The following GMEB1 variants were observed in gnomAD, a reference collection of about 807,000 sequenced individuals.
GMEB1 encodes the protein glucocorticoid modulatory element-binding protein 1.
Under a neutral mutation model 52.4 loss-of-function variants are expected in GMEB1, and 6 were observed. That is an observed-to-expected ratio of 0.11 (90% CI 0.06 to 0.23). The LOEUF (loss-of-function observed/expected upper bound fraction) is 0.23. Ranked by LOEUF, GMEB1 falls within the 10% of genes least tolerant of loss-of-function variation. GMEB1 has a pLI of 1.00. For missense variants in GMEB1, 486 were observed against 685.6 expected, an observed-to-expected ratio of 0.71 and a Z score of 3.25; for synonymous variants, 255 against 244.9, an observed-to-expected ratio of 1.04 and a Z score of -0.38.
chr1:28,682,530 G>A (rs867436708), intron 1 of GMEB1, among the ~76,000 whole-genome samples: 3 of 150,934 alleles, frequency 2.0e-5, no homozygotes, highest in African/African-American at 7.3e-5. Flanking sequence ...GGTGAGGCAG[G>A]AGAATCGCTT....
intron 2 of GMEB1, among the ~76,000 whole-genome samples, chr1:28,689,364 T>C (rs1156248083): frequency 6.6e-6 from 1 of 151,994 alleles, no homozygotes; most frequent in Non-Finnish European, 1.5e-5. Context: ...CGGTGGCTCA[T>C]GCCTGTAATA....
Position 28,692,948 on chromosome 1 carries a change from G to T in GMEB1, c.343G>T (p.Asp115Tyr). The T allele has an allele frequency of 6.3e-7, 1 of 1,583,322 alleles. No individual in the cohort carries two copies. Among genetic ancestry groups the T allele is most frequent in the South Asian group, 1.1e-5 (1 of 87,652 alleles). ...GINVKCVKFN[D>Y]QLISPKHFVH... is the part of the protein sequence containing the mutation. ...CTTTTCTTTTTACTTTTAGTTCAAT[G>T]ATCAGTTGATCAGCCCCAAGCACTT... is the stretch of plus-strand genomic sequence containing the variant. The change falls in exon 5 of 10, where the codon GAT (aspartate) becomes TAT (tyrosine). Residue 115 changes from aspartate to tyrosine, a missense_variant. Coordinates refer to ENST00000373816, the MANE Select transcript of GMEB1 (RefSeq NM_001319674.2).
In GMEB1 at chr1:28,687,379, C is replaced by CAAAAAAAAAAAAAAAAA; in HGVS notation, c.129-2724_129-2723insAAAAAAAAAAAAAAAAA. Among the ~76,000 whole-genome samples, 2 of 16,376 alleles carry CAAAAAAAAAAAAAAAAA rather than the reference C, an allele frequency of 1.2e-4. 1 individual carries two copies. The highest frequency in any genetic ancestry group is 0.045 in the Middle Eastern group (2 of 44). 10.7% of individuals were successfully genotyped at this position (16,376 alleles called of 152,430 possible). On this transcript the variant is annotated intron_variant, in intron 2 of 9. Transcript: ENST00000373816. ...ACACACACACACACACACACACACA[C>CAAAAAAAAAAAAAAAAA]ACACACACAAAAAAAGACAGTGGAG...
chr1:28,700,264 G>A (rs1422700939), intron 6 of GMEB1, among the ~76,000 whole-genome samples: 1 of 151,824 alleles, frequency 6.6e-6, no homozygotes, highest in African/African-American at 2.4e-5. Flanking sequence ...TGTAATCCCA[G>A]CACTTTGGGA....
At chr1:28,670,403 C>T (rs1162691039) in intron 1 of GMEB1, among the ~76,000 whole-genome samples, 4 of 152,158 alleles carry the variant, frequency 2.6e-5, no homozygotes, top group African/African-American at 7.2e-5. Flanking sequence ...TCTCAGCTCA[C>T]TGCAACCTCC....
chr1:28,675,578 G>T (rs1452798214), intron 1 of GMEB1, among the ~76,000 whole-genome samples: 1 of 151,754 alleles, frequency 6.6e-6, no homozygotes, highest in Non-Finnish European at 1.5e-5. Flanking sequence ...TACTCGGAAG[G>T]CTGAGGCACA....
intron 5 of GMEB1, 31 bp downstream of exon 5, chr1:28,693,076 A>G: frequency 8.6e-7 from 1 of 1,157,794 alleles, no homozygotes; most frequent in Non-Finnish European, 1.2e-6. Context: ...CATACCTTTC[A>G]ACAAACTTTG....
At chr1:28,687,362 ACACACACACACAC>A (rs1669699638) in intron 2 of GMEB1, among the ~76,000 whole-genome samples, 8 of 53,058 alleles carry the variant, frequency 1.5e-4, no homozygotes, top group Non-Finnish European at 3.3e-4. Context: ...ACACACACAC[ACACACACACACAC>A]ACACACACAC....
chr1:28,687,362 AC>A (rs1669699153), intron 2 of GMEB1, among the ~76,000 whole-genome samples: 2 of 53,058 alleles, frequency 3.8e-5, no homozygotes, highest in Admixed American at 1.6e-4. Context: ...ACACACACAC[AC>A]ACACACACAC....
intron 7 of GMEB1, 27 bp from the exon 8 acceptor site, chr1:28,704,165 C>T (rs760562279): frequency 3.2e-6 from 5 of 1,581,086 alleles, no homozygotes; most frequent in African/African-American, 1.4e-5. Context: ...CTCTTTTTTA[C>T]CCTCTGTCTT....
At chr1:28,683,771 G>A (rs1358201818) in intron 2 of GMEB1, 31 bp downstream of exon 2, 3 of 1,609,166 alleles carry the variant, frequency 1.9e-6, no homozygotes, top group Non-Finnish European at 2.5e-6. Context: ...GTATTCTGAA[G>A]TATTTTGGGA....
chr1:28,706,977 G>GGTTTTTTTTTTTTTTTTTTTT (rs1400064023), intron 8 of GMEB1, among the ~76,000 whole-genome samples: 1 of 82,748 alleles, frequency 1.2e-5, no homozygotes. Context: ...TCCAGATTTG[G>GGTTTTTTTTTTTTTTTTTTTT]TTTTTTTTTT....
chr1:28,679,975 G>A (rs1669323683), intron 1 of GMEB1, among the ~76,000 whole-genome samples: 2 of 151,952 alleles, frequency 1.3e-5, no homozygotes, highest in African/African-American at 2.4e-5. Context: ...CTGGCTAATT[G>A]TTTTGTATTT....
At chr1:28,698,913 G>A (rs533206468) in intron 6 of GMEB1, among the ~76,000 whole-genome samples, 62 of 152,212 alleles carry the variant, frequency 4.1e-4, no homozygotes, top group Admixed American at 3.8e-3. Context: ...GAACCCAGGA[G>A]GTGGAGTTTG....
At chr1:28,699,155 C>A (rs1318877115) in intron 6 of GMEB1, among the ~76,000 whole-genome samples, 2 of 152,080 alleles carry the variant, frequency 1.3e-5, no homozygotes, top group Non-Finnish European at 2.9e-5. Context: ...CTTGGAGGGG[C>A]TCCTGATTAC....
chr1:28,693,702 C>G (rs1348521251), intron 5 of GMEB1, among the ~76,000 whole-genome samples: 2 of 152,134 alleles, frequency 1.3e-5, no homozygotes, highest in Non-Finnish European at 2.9e-5. Flanking sequence ...CCACCCACCT[C>G]CGCTTCCCAA....
At chr1:28,672,140 G>A (rs1010410676) in intron 1 of GMEB1, among the ~76,000 whole-genome samples, 4 of 150,234 alleles carry the variant, frequency 2.7e-5, no homozygotes, top group African/African-American at 9.8e-5. Flanking sequence ...AATATTTTGG[G>A]GTTAGAAAAT....
intron 9 of GMEB1, among the ~76,000 whole-genome samples, chr1:28,712,358 T>C (rs1157898746): frequency 6.6e-6 from 1 of 152,138 alleles, no homozygotes; most frequent in Admixed American, 6.6e-5. Context: ...GTATGGTTGA[T>C]TACTTCATTG....
intron 9 of GMEB1, among the ~76,000 whole-genome samples, chr1:28,711,512 G>A (rs1037738645): frequency 6.6e-6 from 1 of 152,070 alleles, no homozygotes; most frequent in Non-Finnish European, 1.5e-5. Flanking sequence ...GGAGTGCAGT[G>A]GCACAATCAC....
Sources: allele counts gnomAD v4.1 joint callset (sites outside exome capture counted in the v4.1 genomes callset), GRCh38; gene constraint gnomAD v4.1.1; transcripts MANE v1.5; gene names NCBI Gene and HGNC (gene_info 2026-07-23, HGNC 2026-07-21).